The following C10orf143 variants were observed in gnomAD, a reference collection of about 807,000 sequenced individuals.
The protein encoded by C10orf143 is chromosome 10 open reading frame 143.
intron 1 of C10orf143, among the ~76,000 whole-genome samples, chr10:130,099,627 C>T (rs751913325): frequency 1.8e-4 from 28 of 151,818 alleles, no homozygotes; most frequent in Non-Finnish European, 1.8e-4. Flanking sequence ...ACCTCTGCCT[C>T]GTGGGTTTAA....
At chr10:130,043,263 A>G (rs1860628305) in intron 3 of C10orf143, among the ~76,000 whole-genome samples, 1 of 152,232 alleles carries the variant, frequency 6.6e-6, no homozygotes, top group African/African-American at 2.4e-5. Flanking sequence ...ATTGATCATC[A>G]TTACTTATAA....
intron 1 of C10orf143, among the ~76,000 whole-genome samples, chr10:130,089,241 G>A (rs7071201): frequency 6.6e-6 from 1 of 152,170 alleles, no homozygotes. Context: ...GGCTTGCAAG[G>A]TTTACCAAGC....
intron 3 of C10orf143, among the ~76,000 whole-genome samples, chr10:130,043,256 G>A (rs924141294): frequency 1.1e-4 from 16 of 152,196 alleles, no homozygotes; most frequent in African/African-American, 3.9e-4. Context: ...GCAAAAAATT[G>A]ATCATCATTA....
At chr10:130,061,309 T>C (rs1348884387), downstream of C10orf143, among the ~76,000 whole-genome samples, 1 of 152,242 alleles carries the variant, frequency 6.6e-6, no homozygotes. Context: ...AAAATTTTTT[T>C]CTTTAATAAG....
chr10:130,096,423 C>T (rs1861462716), intron 1 of C10orf143, among the ~76,000 whole-genome samples: 1 of 151,746 alleles, frequency 6.6e-6, no homozygotes, highest in South Asian at 2.1e-4. Flanking sequence ...CCATTTAACC[C>T]AGCAATCCCA....
At chr10:130,085,427 C>T (rs1861275869) in intron 1 of C10orf143, among the ~76,000 whole-genome samples, 2 of 152,176 alleles carry the variant, frequency 1.3e-5, no homozygotes, top group Non-Finnish European at 2.9e-5. Flanking sequence ...CGCACCCTGA[C>T]TCTAATCATA....
Position 130,042,044 on chromosome 10 carries a change from C to T in C10orf143, c.298-6074G>A, listed in dbSNP as rs114010467. Among the ~76,000 whole-genome samples the T allele has an allele frequency of 5.1e-3, 783 of 152,250 alleles. 7 individuals carry two copies. Among genetic ancestry groups the T allele is most frequent in the African/African-American group, 0.018 (762 of 41,546 alleles). ...ACGTTCATACATACCCAAATATGCA[C>T]TTGTGTACACACGTGCACACCCACA... On this transcript the variant is annotated intron_variant and NMD_transcript_variant, in intron 3 of 5. Transcript: ENST00000643056.
chr10:130,050,952 A>G (rs1860730163), intron 3 of C10orf143, among the ~76,000 whole-genome samples: 1 of 152,170 alleles, frequency 6.6e-6, no homozygotes, highest in Admixed American at 6.5e-5. Flanking sequence ...TGGAGGGACC[A>G]CTGAGCTGTT....
At chr10:130,083,980 G>C (rs919653110) in intron 1 of C10orf143, among the ~76,000 whole-genome samples, 5 of 152,038 alleles carry the variant, frequency 3.3e-5, no homozygotes, top group African/African-American at 1.2e-4. Flanking sequence ...AAGTAACATA[G>C]CCACACTGAA....
At chr10:130,070,434 G>A (rs945551815) in intron 3 of C10orf143, among the ~76,000 whole-genome samples, 1 of 152,162 alleles carries the variant, frequency 6.6e-6, no homozygotes, top group East Asian at 1.9e-4. Context: ...TGAGAGATCT[G>A]TTGTCAAATT....
intron 3 of C10orf143, among the ~76,000 whole-genome samples, chr10:130,047,593 C>T (rs752797652): frequency 3.9e-5 from 6 of 152,194 alleles, no homozygotes; most frequent in Non-Finnish European, 7.3e-5. Flanking sequence ...AGGCTTCCTG[C>T]GTCCAGAGCT....
At chr10:130,106,475 G>T (rs563291441) in intron 1 of C10orf143, 1 of 1,602,396 alleles carries the variant, frequency 6.2e-7, no homozygotes, top group African/African-American at 1.3e-5. Flanking sequence ...ACTTGAGCAT[G>T]AAATTCTCTG....
downstream of C10orf143, among the ~76,000 whole-genome samples, chr10:130,063,112 G>C (rs143752821): frequency 1.3e-3 from 196 of 152,258 alleles, 2 homozygotes; most frequent in African/African-American, 4.5e-3. Flanking sequence ...CTTGGGGCAG[G>C]AGGATGCCCG....
At chr10:130,102,819 A>C (rs892684667) in intron 1 of C10orf143, among the ~76,000 whole-genome samples, 3 of 152,130 alleles carry the variant, frequency 2.0e-5, no homozygotes, top group Non-Finnish European at 4.4e-5. Context: ...TATCCATGGT[A>C]ATATTCTTTA....
At chr10:130,048,658 A>G (rs1276378200) in intron 3 of C10orf143, among the ~76,000 whole-genome samples, 1 of 152,166 alleles carries the variant, frequency 6.6e-6, no homozygotes, top group African/African-American at 2.4e-5. Context: ...CTGGTGCACC[A>G]AGTCTTCCTG....
At chr10:130,077,121 A>G (rs1432308177) in intron 3 of C10orf143, among the ~76,000 whole-genome samples, 2 of 152,186 alleles carry the variant, frequency 1.3e-5, no homozygotes, top group Non-Finnish European at 2.9e-5. Flanking sequence ...CACTCCTGAA[A>G]TAGTAACCAT....
At chr10:130,108,755 T>C (rs1861708491) in intron 1 of C10orf143, among the ~76,000 whole-genome samples, 1 of 152,232 alleles carries the variant, frequency 6.6e-6, no homozygotes, top group Admixed American at 6.5e-5. Context: ...GCTGTGTCTT[T>C]ATGCCAACAA....
chr10:130,052,439 C>T (rs550086467), intron 3 of C10orf143, among the ~76,000 whole-genome samples: 2 of 152,198 alleles, frequency 1.3e-5, no homozygotes, highest in East Asian at 1.9e-4. Context: ...CACAGTCCCC[C>T]ACACCCAGAA....
intron 3 of C10orf143, among the ~76,000 whole-genome samples, chr10:130,047,101 G>C (rs942314958): frequency 1.3e-5 from 2 of 152,234 alleles, no homozygotes; most frequent in Non-Finnish European, 2.9e-5. Context: ...CACTGAGGTT[G>C]GTCTAGGCTC....
Sources: gnomAD v4.1 joint callset for allele counts (sites outside exome capture counted in the v4.1 genomes callset) on GRCh38, gnomAD v4.1.1 for gene constraint, MANE v1.5 for transcripts, NCBI Gene and HGNC (gene_info 2026-07-23, HGNC 2026-07-21) for gene names.